SEMA3E: variants seen among roughly 807,000 people sequenced by gnomAD.
SEMA3E encodes the protein semaphorin 3E.
SEMA3E carries 49 observed loss-of-function variants against 93.6 expected under a neutral mutation model. That is an observed-to-expected ratio of 0.52 (90% CI 0.42 to 0.66). The LOEUF is 0.66. Ranked by LOEUF, SEMA3E falls within the 30% of genes least tolerant of loss-of-function variation. SEMA3E has a pLI of 0.00. For synonymous variants in SEMA3E, 363 were observed against 330.7 expected (o/e 1.10, Z -1.06); for missense variants, 906 against 964.8 (o/e 0.94, Z 0.81).
At chr7:83,384,817 T>C (rs1021592438) in intron 16 of SEMA3E, among the ~76,000 whole-genome samples, 20 of 152,078 alleles carry the variant, frequency 1.3e-4, no homozygotes, top group African/African-American at 4.8e-4. Flanking sequence ...TCATATATAA[T>C]TGAAAAATTT....
chr7:83,403,926 C>T (rs564157631), intron 9 of SEMA3E, among the ~76,000 whole-genome samples: 1 of 151,894 alleles, frequency 6.6e-6, no homozygotes, highest in East Asian at 1.9e-4. Context: ...ATTGAACAGT[C>T]AAAATAGAAA....
intron 2 of SEMA3E, among the ~76,000 whole-genome samples, chr7:83,475,127 T>C (rs1051514855): frequency 2.6e-5 from 4 of 151,900 alleles, no homozygotes; most frequent in Non-Finnish European, 5.9e-5. Context: ...TGCATTACGG[T>C]TATTACATAA....
chr7:83,571,287 C>T (rs1792281203), intron 1 of SEMA3E, among the ~76,000 whole-genome samples: 1 of 152,112 alleles, frequency 6.6e-6, no homozygotes, highest in African/African-American at 2.4e-5. Context: ...AACTTCAGGC[C>T]CATATCCCTG....
chr7:83,538,052 T>C (rs1791441087), intron 1 of SEMA3E, among the ~76,000 whole-genome samples: 1 of 152,180 alleles, frequency 6.6e-6, no homozygotes, highest in Non-Finnish European at 1.5e-5. Context: ...TATATCAGCA[T>C]GTACTCATTT....
intron 10 of SEMA3E, among the ~76,000 whole-genome samples, chr7:83,400,804 G>T (rs1788221811): frequency 6.6e-6 from 1 of 152,042 alleles, no homozygotes; most frequent in African/African-American, 2.4e-5. Flanking sequence ...TTTGAAATTT[G>T]TTTTTTGTAA....
chr7:83,556,023 A>G (rs1791879842), intron 1 of SEMA3E, among the ~76,000 whole-genome samples: 1 of 152,200 alleles, frequency 6.6e-6, no homozygotes, highest in Non-Finnish European at 1.5e-5. Context: ...ATAAATGAGA[A>G]AGCACTAACT....
intron 2 of SEMA3E, among the ~76,000 whole-genome samples, chr7:83,481,239 C>T (rs908779086): frequency 2.0e-5 from 3 of 152,040 alleles, no homozygotes; most frequent in Admixed American, 2.0e-4. Context: ...TCTATCCATA[C>T]AAGATCCTGA....
At chr7:83,528,874 T>TTTA (rs1371746849) in intron 1 of SEMA3E, among the ~76,000 whole-genome samples, 3 of 152,112 alleles carry the variant, frequency 2.0e-5, no homozygotes, top group Non-Finnish European at 2.9e-5. Flanking sequence ...CAGATAGTCT[T>TTTA]TTAGATTTTT....
At chr7:83,559,592 G>A (rs1791986095) in intron 1 of SEMA3E, among the ~76,000 whole-genome samples, 1 of 151,940 alleles carries the variant, frequency 6.6e-6, no homozygotes, top group Non-Finnish European at 1.5e-5. Context: ...AGGATGTGAA[G>A]CAACAGGAAC....
In SEMA3E at chr7:83,392,717, T is replaced by C. The variant is rs143724832; in HGVS notation, c.1505A>G (p.Gln502Arg). The change falls in exon 14 of 17, where the codon CAG (glutamine) becomes CGG (arginine). Residue 502 changes from glutamine (Q) to arginine (R), a missense_variant. By Grantham distance (43) the Gln-to-Arg change is conservative. Transcript: ENST00000643230. Reference sequence around the variant, plus strand: ...AGCAGAAGCAGATCCAATATACAGCTGTTGCTACAGAAATCAGAAAGAGGT... The same window carrying C: ...AGCAGAAGCAGATCCAATATACAGCCGTTGCTACAGAAATCAGAAAGAGGT... The part of the protein sequence containing the change: ...ISMEISSKRQ[Q>R]LYIGSASAVA... 2 of 1,613,660 alleles carry C rather than the reference T, an allele frequency of 1.2e-6. No individual in the cohort carries two copies. Among genetic ancestry groups the C allele is most frequent in the Non-Finnish European group, 1.7e-6 (2 of 1,179,778 alleles).
At chr7:83,549,306 A>C (rs1321704309) in intron 1 of SEMA3E, among the ~76,000 whole-genome samples, 1 of 152,142 alleles carries the variant, frequency 6.6e-6, no homozygotes, top group Non-Finnish European at 1.5e-5. Context: ...ACTTTTACAT[A>C]TCATAAAGGC....
At chr7:83,508,279 G>A (rs976755796) in intron 1 of SEMA3E, among the ~76,000 whole-genome samples, 4 of 73,512 alleles carry the variant, frequency 5.4e-5, no homozygotes, top group African/African-American at 2.4e-4. Context: ...TTTTTTTTTT[G>A]AAGATGGAGT....
At chr7:83,454,790 C>T (rs969457327) in intron 4 of SEMA3E, among the ~76,000 whole-genome samples, 12 of 152,128 alleles carry the variant, frequency 7.9e-5, no homozygotes, top group African/African-American at 1.9e-4. Context: ...GATGAGATAA[C>T]GTGTAACACA....
chr7:83,403,151 T>C (rs1222142372), intron 9 of SEMA3E, among the ~76,000 whole-genome samples: 1 of 152,036 alleles, frequency 6.6e-6, no homozygotes, highest in Non-Finnish European at 1.5e-5. Context: ...TTTTATGTTG[T>C]TCTATTTTCA....
chr7:83,554,642 C>T (rs1300536668), intron 1 of SEMA3E, among the ~76,000 whole-genome samples: 1 of 152,054 alleles, frequency 6.6e-6, no homozygotes, highest in African/African-American at 2.4e-5. Flanking sequence ...TTTTCAATTA[C>T]AGAACATTTA....
rs1048540721 is a variant in SEMA3E, at chr7:83,365,712, A to G, written c.*1874T>C. On this transcript the variant is annotated 3_prime_UTR_variant, in exon 17 of 17. Coordinates refer to ENST00000643230, the MANE Select transcript of SEMA3E (RefSeq NM_012431.3). The stretch of plus-strand genomic sequence containing the variant: ...ATGTCTTATCTGCCTTTTTAATTTT[A>G]AAATTCAGATACAGGAGAAAATCCT... 4 of 152,146 alleles carry G rather than the reference A, an allele frequency of 2.6e-5. No homozygotes were observed. The South Asian group carries it at 6.2e-4, about 24-fold the overall frequency. The allele number at this position is 152,146 out of a possible 1,614,324, so 9.4% of individuals were successfully genotyped here.
chr7:83,388,618 C>T (rs1353233329), intron 14 of SEMA3E, among the ~76,000 whole-genome samples: 1 of 151,886 alleles, frequency 6.6e-6, no homozygotes, highest in East Asian at 1.9e-4. Flanking sequence ...GATAGCATAG[C>T]TCCCAAAGTG....
chr7:83,538,782 T>C (rs1409405766), intron 1 of SEMA3E, among the ~76,000 whole-genome samples: 1 of 152,200 alleles, frequency 6.6e-6, no homozygotes, highest in African/African-American at 2.4e-5. Context: ...TGTATCAGTC[T>C]CCTCTCAATA....
intron 10 of SEMA3E, 111 bp from the exon 11 acceptor site, chr7:83,400,361 T>C (rs1330326630): frequency 3.1e-6 from 3 of 977,590 alleles, no homozygotes; most frequent in Non-Finnish European, 4.9e-6. Context: ...TAGTCAATTG[T>C]GCATTTAGAA....
Sources: allele counts gnomAD v4.1 joint callset (sites outside exome capture counted in the v4.1 genomes callset), GRCh38; gene constraint gnomAD v4.1.1; transcripts MANE v1.5; gene names NCBI Gene and HGNC (gene_info 2026-07-23, HGNC 2026-07-21).